Variants in B3GALT1 observed in about 807,000 individuals in gnomAD.
The protein encoded by B3GALT1 is UDP-Gal:betaGlcNAc beta 1,3-galactosyltransferase, polypeptide 1.
B3GALT1 carries 10 observed loss-of-function variants against 23.2 expected under a neutral mutation model. The ratio of observed to expected loss-of-function variants is 0.43; its 90% CI spans 0.27 to 0.73. B3GALT1 has a LOEUF of 0.73. Among genes scored for constraint, B3GALT1 ranks in the 30% least tolerant of loss-of-function variants. B3GALT1 has a pLI of 0.21. For missense variants in B3GALT1, 299 were observed against 405.4 expected (o/e 0.74, Z 2.25); for synonymous variants, 156 against 141.5 (o/e 1.10, Z -0.73).
intron 2 of B3GALT1, among the ~76,000 whole-genome samples, chr2:167,572,261 T>C (rs965832438): frequency 6.6e-6 from 1 of 151,968 alleles, no homozygotes; most frequent in East Asian, 1.9e-4. Flanking sequence ...TTAATAACTT[T>C]CCACGGAAAA....
At chr2:167,549,704 A>C (rs1005371532) in intron 2 of B3GALT1, among the ~76,000 whole-genome samples, 1 of 152,212 alleles carries the variant, frequency 6.6e-6, no homozygotes, top group African/African-American at 2.4e-5. Context: ...TGAGTATTTA[A>C]TATAGTCATA....
chr2:167,625,942 C>CATATATATATATATAT (rs10522850), intron 2 of B3GALT1, among the ~76,000 whole-genome samples: 2 of 118,444 alleles, frequency 1.7e-5, no homozygotes, highest in Non-Finnish European at 3.3e-5. Flanking sequence ...ATGACTAGGC[C>CATATATATATATATAT]ATATATATAT....
In B3GALT1 at chr2:167,869,409, C is replaced by T. The variant is rs762733734; in HGVS notation, c.370C>T (p.Pro124Ser). ...TLFLLGKNAD[P>S]VLNQMVEQES... Reference sequence around the variant, plus strand: ...GTTCCTCCTGGGCAAGAATGCTGATCCTGTTCTCAATCAGATGGTGGAGCA... The same window carrying T: ...GTTCCTCCTGGGCAAGAATGCTGATTCTGTTCTCAATCAGATGGTGGAGCA... The change falls in exon 5 of 5, where the codon CCT (proline) becomes TCT (serine). Residue 124 changes from proline (P) to serine (S), a missense_variant. By Grantham distance (74) the Pro-to-Ser change is moderately conservative (BLOSUM62 -1). Transcript: ENST00000392690. The surrounding 1 kb of genome is among the most constrained non-coding windows in gnomAD (Gnocchi z 6.4). 1.2e-6 allele frequency: 2 copies of T among 1,614,096 alleles called. No homozygotes were observed. The highest frequency in any genetic ancestry group is 1.7e-6 in the Non-Finnish European group (2 of 1,180,028).
intron 1 of B3GALT1, among the ~76,000 whole-genome samples, chr2:167,410,064 T>C (rs1297324583): frequency 6.6e-6 from 1 of 152,138 alleles, no homozygotes; most frequent in Admixed American, 6.6e-5. Flanking sequence ...GAAGAAAATG[T>C]GGCACATATA....
rs569273085 is a variant in B3GALT1, at chr2:167,844,665, G to A, written c.-229-24146G>A. ...GGATCCGTCGAGAGGGCAGCCGGAGGAGCAGGAGGTAAAACTCCACAGAAA... is the reference window on the plus strand; with the variant it reads ...GGATCCGTCGAGAGGGCAGCCGGAGAAGCAGGAGGTAAAACTCCACAGAAA... On this transcript the variant is annotated intron_variant, in intron 4 of 4. Coordinates refer to ENST00000392690, the MANE Select transcript of B3GALT1 (RefSeq NM_020981.4). 1.2e-4 allele frequency among the ~76,000 whole-genome samples: 18 copies of A among 152,322 alleles called. No homozygotes were observed. In the South Asian group the frequency reaches 2.7e-3, roughly 23 times the overall value.
At chr2:167,377,142 G>C (rs1697778260) in intron 1 of B3GALT1, among the ~76,000 whole-genome samples, 2 of 152,058 alleles carry the variant, frequency 1.3e-5, no homozygotes, top group African/African-American at 4.8e-5. Context: ...GTAATTTTGT[G>C]GTTTTGAGAT....
At chr2:167,329,741 CTT>C (rs1465311502) in intron 1 of B3GALT1, among the ~76,000 whole-genome samples, 2 of 151,778 alleles carry the variant, frequency 1.3e-5, no homozygotes, top group African/African-American at 4.8e-5. Flanking sequence ...CTGGGAAAGA[CTT>C]TATTTCTCCT....
intron 2 of B3GALT1, among the ~76,000 whole-genome samples, chr2:167,594,382 A>T (rs1684740076): frequency 6.6e-6 from 1 of 152,236 alleles, no homozygotes; most frequent in South Asian, 2.1e-4. Context: ...ATAAAGAAAT[A>T]GTATTCCAGA....
At chr2:167,582,918 C>G (rs1356475965) in intron 2 of B3GALT1, among the ~76,000 whole-genome samples, 1 of 152,222 alleles carries the variant, frequency 6.6e-6, no homozygotes, top group African/African-American at 2.4e-5. Context: ...CAAGACCTCA[C>G]AGCTCAGCAT....
chr2:167,848,273 G>A (rs1357946960), intron 4 of B3GALT1, among the ~76,000 whole-genome samples: 3 of 151,972 alleles, frequency 2.0e-5, no homozygotes, highest in Admixed American at 2.0e-4. Flanking sequence ...CCAAAACCAG[G>A]AACGGACATA....
chr2:167,704,676 ATTAG>A (rs1323486201), intron 3 of B3GALT1, among the ~76,000 whole-genome samples: 2 of 152,332 alleles, frequency 1.3e-5, no homozygotes, highest in African/African-American at 4.8e-5. Context: ...TCAGTGGTAC[ATTAG>A]TTAGTCTGTT....
chr2:167,317,630 T>G (rs1312842986), intron 1 of B3GALT1, among the ~76,000 whole-genome samples: 1 of 152,146 alleles, frequency 6.6e-6, no homozygotes, highest in Non-Finnish European at 1.5e-5. Context: ...CCAGCATATA[T>G]TCTTCCTTAC....
intron 2 of B3GALT1, among the ~76,000 whole-genome samples, chr2:167,542,030 C>T (rs796535213): frequency 6.6e-6 from 1 of 152,030 alleles, no homozygotes; most frequent in East Asian, 1.9e-4. Context: ...ACATTAAATT[C>T]TTTTTTAAGT....
intron 2 of B3GALT1, among the ~76,000 whole-genome samples, chr2:167,526,365 G>A (rs1454005479): frequency 6.6e-6 from 1 of 152,028 alleles, no homozygotes; most frequent in African/African-American, 2.4e-5. Flanking sequence ...CAACATGGCT[G>A]TCTCCATCCA....
chr2:167,800,779 G>A (rs1430305718), intron 3 of B3GALT1, among the ~76,000 whole-genome samples: 2 of 152,170 alleles, frequency 1.3e-5, no homozygotes, highest in Non-Finnish European at 2.9e-5. Flanking sequence ...GGCACTTGTT[G>A]TCTGAATAAG....
At chr2:167,802,718 A>G (rs947882279) in intron 3 of B3GALT1, among the ~76,000 whole-genome samples, 1 of 152,136 alleles carries the variant, frequency 6.6e-6, no homozygotes, top group Admixed American at 6.5e-5. Flanking sequence ...CCCTTGTTAC[A>G]ATTATTTTAT....
intron 3 of B3GALT1, among the ~76,000 whole-genome samples, chr2:167,680,201 T>G (rs1222525430): frequency 6.6e-6 from 1 of 152,212 alleles, no homozygotes; most frequent in Non-Finnish European, 1.5e-5. Context: ...CGTAGAAAGT[T>G]AAACCTTTGC....
intron 3 of B3GALT1, among the ~76,000 whole-genome samples, chr2:167,786,188 G>C (rs533257445): frequency 6.6e-6 from 1 of 152,276 alleles, no homozygotes; most frequent in South Asian, 2.1e-4. Flanking sequence ...GTATAAAAAA[G>C]ACAATTTTTA....
At chr2:167,687,560 C>A (rs1329746463) in intron 3 of B3GALT1, among the ~76,000 whole-genome samples, 2 of 151,976 alleles carry the variant, frequency 1.3e-5, no homozygotes, top group Admixed American at 6.6e-5. Flanking sequence ...TAGGAAAATA[C>A]TGGTTTGAAA....
Sources: gnomAD v4.1 joint callset for allele counts (sites outside exome capture counted in the v4.1 genomes callset) on GRCh38, gnomAD v4.1.1 for gene constraint, Gnocchi (gnomAD v3.1) non-coding constraint, MANE v1.5 for transcripts, NCBI Gene and HGNC (gene_info 2026-07-23, HGNC 2026-07-21) for gene names.